DBX2: variants seen among roughly 807,000 people sequenced by gnomAD.
The protein encoded by DBX2 is homeobox protein DBX2.
DBX2 carries 16 observed loss-of-function variants against 17.7 expected under a neutral mutation model. The observed-to-expected ratio is 0.90, with a 90% confidence interval of 0.61 to 1.37. DBX2 has a LOEUF of 1.37. DBX2 is among the 40% of genes most tolerant of loss of function. The pLI, the probability that DBX2 is intolerant of heterozygous loss-of-function variation, is 0.00. For missense variants in DBX2, 538 were observed against 433.8 expected (o/e 1.24, Z -2.13); for synonymous variants, 255 against 183.8 (o/e 1.39, Z -3.13).
intron 1 of DBX2, among the ~76,000 whole-genome samples, chr12:45,037,557 T>C (rs1371831901): frequency 6.6e-6 from 1 of 152,162 alleles, no homozygotes; most frequent in Non-Finnish European, 1.5e-5. Context: ...ATTTTTATTA[T>C]TATTCTTTCA....
rs34462401 is a variant in DBX2, at chr12:45,049,662, C to CAAA, written c.403+860_403+862dup. 2.3e-3 allele frequency among the ~76,000 whole-genome samples: 321 copies of CAAA among 139,400 alleles called. 1 individual carries two copies. Among genetic ancestry groups the CAAA allele is most frequent in the African/African-American group, 8.2e-3 (310 of 37,904 alleles). The allele number at this position is 139,400 out of a possible 152,430, so 91.5% of individuals were successfully genotyped here. A position where few individuals can be genotyped will look rare whatever the true frequency, so the allele number is the denominator to read the frequency against. Reference sequence around the variant, plus strand: ...AGTTAAGATCGTTTAAGGACGCAGCCAAAAAAAAAAAAAAATCCAATTGGG... The same window carrying CAAA: ...AGTTAAGATCGTTTAAGGACGCAGCCAAAAAAAAAAAAAAAAAATCCAATTGGG... On this transcript the variant is annotated intron_variant, in intron 1 of 3. Transcript: ENST00000332700.
intron 1 of DBX2, among the ~76,000 whole-genome samples, chr12:45,048,013 G>C (rs538253639): frequency 5.6e-4 from 86 of 152,292 alleles, no homozygotes; most frequent in Non-Finnish European, 9.0e-4. Flanking sequence ...ACAGTCATCT[G>C]TCTTGTTAAC....
chr12:45,016,200 A>G lies in DBX2; in HGVS notation c.*86T>C. 3.6e-6 allele frequency: 5 copies of G among 1,394,782 alleles called. No individual in the cohort carries two copies. Among genetic ancestry groups the G allele is most frequent in the Non-Finnish European group, 4.8e-6 (5 of 1,038,588 alleles). 86.4% of individuals were successfully genotyped at this position (1,394,782 alleles called of 1,614,324 possible). Reference sequence around the variant, plus strand: ...GCTCCAAAGTTGTTAGGCTCTAAGCACTGATGAGGTACAAGCTAGCTGGCA... The same window carrying G: ...GCTCCAAAGTTGTTAGGCTCTAAGCGCTGATGAGGTACAAGCTAGCTGGCA... On this transcript the variant is annotated 3_prime_UTR_variant, in exon 4 of 4. Coordinates refer to ENST00000332700, the MANE Select transcript of DBX2 (RefSeq NM_001004329.3).
chr12:45,037,098 TG>T (rs1345534529), intron 1 of DBX2, among the ~76,000 whole-genome samples: 1 of 152,188 alleles, frequency 6.6e-6, no homozygotes, highest in Non-Finnish European at 1.5e-5. Flanking sequence ...ATCATAGAAA[TG>T]ATGAATCATC....
intron 1 of DBX2, among the ~76,000 whole-genome samples, chr12:45,047,261 G>C (rs1333765516): frequency 6.6e-6 from 1 of 152,072 alleles, no homozygotes; most frequent in Non-Finnish European, 1.5e-5. Context: ...GGAAACTTCT[G>C]AGGAAGGATG....
intron 1 of DBX2, among the ~76,000 whole-genome samples, chr12:45,045,212 T>A (rs894332907): frequency 6.6e-6 from 1 of 152,178 alleles, no homozygotes; most frequent in African/African-American, 2.4e-5. Context: ...AAAAGTTGTG[T>A]CCTTTCATTG....
intron 1 of DBX2, among the ~76,000 whole-genome samples, chr12:45,041,186 TAATA>T (rs1417369440): frequency 2.0e-5 from 3 of 148,078 alleles, no homozygotes; most frequent in African/African-American, 7.3e-5. Context: ...AAATAATAAT[TAATA>T]AATAATAAAT....
chr12:45,040,238 C>T lies in DBX2; in HGVS notation c.404-4124G>A, dbSNP rs189301869. ...AGCCTACCAGCCTACATCTTTCTCC[C>T]GTGCTTCCTTCCCTCAAACACTGGA... On this transcript the variant is annotated intron_variant, in intron 1 of 3. Transcript: ENST00000332700. 1.1e-4 allele frequency among the ~76,000 whole-genome samples: 17 copies of T among 152,230 alleles called. No homozygotes were observed. In the South Asian group the frequency reaches 1.5e-3, roughly 13 times the overall value.
In DBX2 at chr12:45,050,895, A is replaced by G. The variant is rs1355428881; in HGVS notation, c.33T>C (p.Gly11=). The change falls in exon 1 of 4, where the codon GGT becomes GGC. Residue 11 remains glycine, a synonymous_variant. Transcript: ENST00000332700. ...AGGAAGCCACAACGTCCCAGTACGC[A>G]CCGGCGTGGGCTGCGACCGCGCTGG... MLPSAVAAHA[G]AYWDVVASSA... 3 of 1,519,472 alleles carry G rather than the reference A, an allele frequency of 2.0e-6. No homozygotes were observed. The highest frequency in any genetic ancestry group is 1.2e-5 in the South Asian group (1 of 80,086). 94.1% of individuals were successfully genotyped at this position (1,519,472 alleles called of 1,614,324 possible).
At chr12:45,041,142 A>G (rs920403830) in intron 1 of DBX2, among the ~76,000 whole-genome samples, 14 of 148,302 alleles carry the variant, frequency 9.4e-5, no homozygotes, top group African/African-American at 3.4e-4. Flanking sequence ...ATTAATTAAA[A>G]CTAATCATTA....
chr12:45,020,938 A>G (rs973852859), intron 3 of DBX2, among the ~76,000 whole-genome samples: 1 of 152,044 alleles, frequency 6.6e-6, no homozygotes, highest in Non-Finnish European at 1.5e-5. Flanking sequence ...GTAACCAAGG[A>G]ATTGGATTCC....
chr12:45,022,298 GTTTTTTT>G (rs745546411), intron 3 of DBX2, among the ~76,000 whole-genome samples: 23 of 82,518 alleles, frequency 2.8e-4, no homozygotes, highest in Admixed American at 5.4e-4. Context: ...AATAATAACT[GTTTTTTT>G]TTTTTTTTTT....
chr12:45,019,074 T>C (rs1387790491), intron 3 of DBX2, among the ~76,000 whole-genome samples: 4 of 151,998 alleles, frequency 2.6e-5, no homozygotes, highest in Non-Finnish European at 5.9e-5. Context: ...GTCGTGATGG[T>C]TTCACAACAG....
intron 1 of DBX2, among the ~76,000 whole-genome samples, chr12:45,048,891 C>A (rs987647901): frequency 7.2e-5 from 11 of 152,142 alleles, no homozygotes; most frequent in Non-Finnish European, 1.6e-4. Context: ...TAAATTCTTA[C>A]AACCCTCGTA....
chr12:45,017,289 G>A (rs1946329142), intron 3 of DBX2, among the ~76,000 whole-genome samples: 1 of 152,098 alleles, frequency 6.6e-6, no homozygotes, highest in South Asian at 2.1e-4. Flanking sequence ...TTTGTGCCAG[G>A]CATCAGGCTA....
rs1246450969 is a variant in DBX2, at chr12:45,016,522, C to T, written c.784G>A (p.Glu262Lys). 4 of 1,611,094 alleles carry T rather than the reference C, an allele frequency of 2.5e-6. No individual in the cohort carries two copies. The highest frequency in any genetic ancestry group is 4.5e-5 in the East Asian group (2 of 44,800). The change falls in exon 4 of 4, where the codon GAG becomes AAG. Residue 262 changes from glutamate to lysine, a missense_variant. Glu to Lys is a moderately conservative substitution (Grantham distance 56). Coordinates refer to ENST00000332700, the MANE Select transcript of DBX2 (RefSeq NM_001004329.3). The stretch of plus-strand genomic sequence containing the variant: ...AGAGCAGACCGTGAGAGGGGATCCT[C>T]TTGAAGACCTACTTCTTGGATACAC... ...NRCIQEVGLQ[E>K]DPLSRSALGF...
rs972067442 is a variant in DBX2, at chr12:45,034,465, C to T, written c.499+1554G>A. ...TTCAATTGCCCTCACAGGAGACCAC[C>T]TTGAAGGAGCGAGTAAAAGGTTTAG... On this transcript the variant is annotated intron_variant, in intron 2 of 3. Transcript: ENST00000332700. Among the ~76,000 whole-genome samples, 3 of 152,152 alleles carry T rather than the reference C, an allele frequency of 2.0e-5. No individual in the cohort carries two copies. The South Asian group carries it at 6.2e-4, about 32-fold the overall frequency.
At chr12:45,037,352 C>T (rs958198808) in intron 1 of DBX2, among the ~76,000 whole-genome samples, 5 of 152,084 alleles carry the variant, frequency 3.3e-5, no homozygotes, top group African/African-American at 4.8e-5. Flanking sequence ...GTGCCTAGCA[C>T]ATTCTAAACA....
rs368330243 is a variant in DBX2 at position 45,023,844 on chromosome 12, G to T, written c.550C>A (p.Arg184=). 1.2e-6 allele frequency: 2 copies of T among 1,603,246 alleles called. No individual in the cohort carries two copies. Among genetic ancestry groups the T allele is most frequent in the African/African-American group, 2.7e-5 (2 of 74,300 alleles). Residue 184 remains arginine (R), a synonymous_variant, in exon 3 of 4, where the codon CGG becomes AGG. Transcript: ENST00000332700. ...ACAGCTCTTCTTAAAATGCCCCTCC[G>T]AGCTTTGGAATTAGAGTCCTGTGTC... ...LLTQDSNSKA[R]RGILRRAVFS...
Sources: allele counts gnomAD v4.1 joint callset (sites outside exome capture counted in the v4.1 genomes callset), GRCh38; gene constraint gnomAD v4.1.1; transcripts MANE v1.5; gene names NCBI Gene and HGNC (gene_info 2026-07-23, HGNC 2026-07-21).